The following RNF10 variants were observed in gnomAD, a reference collection of about 807,000 sequenced individuals.
The protein encoded by RNF10 is ring finger protein 10, also known as E3 ubiquitin-protein ligase RNF10.
Under a neutral mutation model 91.4 loss-of-function variants are expected in RNF10, and 38 were observed. The observed-to-expected ratio is 0.42, with a 90% confidence interval of 0.32 to 0.54. The LOEUF (loss-of-function observed/expected upper bound fraction) is 0.54, where lower values mean the gene tolerates loss of function less well. Ranked by LOEUF, RNF10 falls within the 20% of genes least tolerant of loss-of-function variation. The pLI, the probability that RNF10 is intolerant of heterozygous loss-of-function variation, is 0.16. For synonymous variants in RNF10, 364 were observed against 366.3 expected, an observed-to-expected ratio of 0.99 and a Z score of 0.07; for missense variants, 945 against 1,012.0, an observed-to-expected ratio of 0.93 and a Z score of 0.90.
At chr12:120,562,267 CTTTCTT>C (rs1260479134) in intron 7 of RNF10, among the ~76,000 whole-genome samples, 12 of 102,220 alleles carry the variant, frequency 1.2e-4, no homozygotes, top group Middle Eastern at 0.013. Context: ...CTTTTTCTTT[CTTTCTT>C]TTTTTTTTTT....
intron 3 of RNF10, 45 bp from the exon 4 acceptor site, chr12:120,554,673 G>A (rs1873687166): frequency 2.1e-6 from 3 of 1,428,136 alleles, no homozygotes; most frequent in Non-Finnish European, 3.0e-6. Context: ...GGGTTTATTG[G>A]TAGATCCTGA....
intron 1 of RNF10, among the ~76,000 whole-genome samples, chr12:120,540,294 C>T (rs549699571): frequency 5.3e-5 from 8 of 152,018 alleles, no homozygotes; most frequent in African/African-American, 1.2e-4. Flanking sequence ...AGATTGAACC[C>T]GTGGGTCCTG....
chr12:120,553,126 C>T (rs1426523023), intron 3 of RNF10, among the ~76,000 whole-genome samples: 1 of 125,428 alleles, frequency 8.0e-6, no homozygotes, highest in Non-Finnish European at 1.6e-5. Context: ...CTCTGCCACC[C>T]AGGCTAGAGT....
chr12:120,550,324 G>A (rs1225685607), intron 2 of RNF10, among the ~76,000 whole-genome samples: 1 of 152,016 alleles, frequency 6.6e-6, no homozygotes, highest in African/African-American at 2.4e-5. Context: ...AGGGTATTGC[G>A]AGGATAATCA....
intron 1 of RNF10, among the ~76,000 whole-genome samples, chr12:120,537,015 T>C (rs1202778224): frequency 6.6e-6 from 1 of 152,224 alleles, no homozygotes; most frequent in Non-Finnish European, 1.5e-5. Context: ...CAGAATTCTA[T>C]AGTAGTTTGA....
chr12:120,540,331 C>T (rs531978901), intron 1 of RNF10, among the ~76,000 whole-genome samples: 5 of 152,206 alleles, frequency 3.3e-5, no homozygotes, highest in African/African-American at 9.6e-5. Context: ...AAAGTCTGTG[C>T]AAGTGATTCT....
chr12:120,577,463 G>C lies in RNF10; in HGVS notation c.*797G>C. 1 of 259,122 alleles carries C rather than the reference G, an allele frequency of 3.9e-6. No homozygotes were observed. The highest frequency in any genetic ancestry group is 7.7e-6 in the Non-Finnish European group (1 of 130,460). 16.1% of individuals were successfully genotyped at this position (259,122 alleles called of 1,614,324 possible). A position where few individuals can be genotyped will look rare whatever the true frequency, so the allele number is the denominator to read the frequency against. On this transcript the variant is annotated 3_prime_UTR_variant, in exon 17 of 17. Coordinates refer to ENST00000325954, the MANE Select transcript of RNF10 (RefSeq NM_014868.5). ...ATTGCCACCATCTCCCTCTCATCTA[G>C]AGCAGTTTTCTTATGCCTTGGTTTG...
intron 4 of RNF10, among the ~76,000 whole-genome samples, chr12:120,556,927 C>T (rs755367036): frequency 2.1e-4 from 32 of 151,722 alleles, no homozygotes; most frequent in African/African-American, 6.3e-4. Context: ...CCGAGGCGGG[C>T]GGATCACAAG....
At chr12:120,557,820 GT>G in intron 6 of RNF10, 138 bp downstream of exon 6, 1 of 918,960 alleles carries the variant, frequency 1.1e-6, no homozygotes, top group Non-Finnish European at 1.7e-6. Context: ...ATTCCAGTAG[GT>G]TAGGGTGGGG....
At position 120,565,443 on chromosome 12, in the gene RNF10, G is replaced by A; in HGVS notation, c.1799G>A (p.Arg600Lys). Residue 600 changes from arginine to lysine, a missense_variant, in exon 12 of 17, where the codon AGG becomes AAG. By Grantham distance (26) the Arg-to-Lys change is conservative. Coordinates refer to ENST00000325954, the MANE Select transcript of RNF10 (RefSeq NM_014868.5). ...LEMFSDDIEK[R>K]KRQRQKKARE... ...CAATCTGCAGATGACATTGAGAAGA[G>A]GAAACGTCAGCGCCAAAAGAAGGCT... The A allele has an allele frequency of 6.2e-7, 1 of 1,614,100 alleles. No individual in the cohort carries two copies. The highest frequency in any genetic ancestry group is 8.5e-7 in the Non-Finnish European group (1 of 1,180,002).
intron 4 of RNF10, among the ~76,000 whole-genome samples, 164 bp downstream of exon 4, chr12:120,554,972 A>C (rs1296027964): frequency 1.3e-5 from 2 of 152,156 alleles, no homozygotes; most frequent in Non-Finnish European, 2.9e-5. Context: ...CCTGGAGTCC[A>C]TTTTGTGACT....
At chr12:120,568,641 A>G (rs1044524451) in intron 13 of RNF10, among the ~76,000 whole-genome samples, 2 of 151,720 alleles carry the variant, frequency 1.3e-5, no homozygotes, top group East Asian at 3.9e-4. Flanking sequence ...ATGCCTGGCT[A>G]ATTTTTGTAT....
At position 120,577,314 on chromosome 12, in the gene RNF10, G is replaced by A; in HGVS notation, c.*648G>A. The A allele has an allele frequency of 7.7e-6, 3 of 388,498 alleles. No individual in the cohort carries two copies. Among genetic ancestry groups the A allele is most frequent in the South Asian group, 5.7e-5 (3 of 52,972 alleles). The allele number at this position is 388,498 out of a possible 1,614,324, so 24.1% of individuals were successfully genotyped here. On this transcript the variant is annotated 3_prime_UTR_variant, in exon 17 of 17. Coordinates refer to ENST00000325954, the MANE Select transcript of RNF10 (RefSeq NM_014868.5). The stretch of plus-strand genomic sequence containing the variant: ...ATGGCTTGAGTTGGTAAGGAAAGCT[G>A]TAACTCACGAAGCCCTGAGACCTGC...
At chr12:120,537,770 C>T (rs902444593) in intron 1 of RNF10, among the ~76,000 whole-genome samples, 3 of 151,944 alleles carry the variant, frequency 2.0e-5, no homozygotes, top group Non-Finnish European at 4.4e-5. Flanking sequence ...TGTGCGTGTT[C>T]GTTTAGCAAG....
At chr12:120,562,560 C>T (rs937205567) in intron 7 of RNF10, among the ~76,000 whole-genome samples, 10 of 152,048 alleles carry the variant, frequency 6.6e-5, no homozygotes, top group Non-Finnish European at 1.2e-4. Context: ...AGGCATGAGC[C>T]ACCACACCTG....
rs567229750 is a variant in RNF10 at position 120,566,435 on chromosome 12, G to T, written c.1886-390G>T. On this transcript the variant is annotated intron_variant, in intron 12 of 16. Coordinates refer to ENST00000325954, the MANE Select transcript of RNF10 (RefSeq NM_014868.5). Reference sequence around the variant, plus strand: ...GCATCCTCTAGACCTTTGGGGGTACGCATGTGTGATGTCCTCAACTGTTGG... The same window carrying T: ...GCATCCTCTAGACCTTTGGGGGTACTCATGTGTGATGTCCTCAACTGTTGG... Among the ~76,000 whole-genome samples, 290 of 152,224 alleles carry T rather than the reference G, an allele frequency of 1.9e-3. 1 individual carries two copies. The highest frequency in any genetic ancestry group is 6.8e-3 in the African/African-American group (283 of 41,536).
intron 1 of RNF10, 21 bp from the exon 2 acceptor site, chr12:120,546,383 CT>C (rs1565948236): frequency 6.3e-7 from 1 of 1,598,594 alleles, no homozygotes; most frequent in South Asian, 1.1e-5. Flanking sequence ...TTAAGACGTT[CT>C]TTTGTGTTTC....
At position 120,576,974 on chromosome 12, in the gene RNF10, T is replaced by A; in HGVS notation, c.*308T>A. ...TAATTTTTCTCAACCCAAAGTAAGA[T>A]TGAGTCCCCTTTGAGATGCATTAGA... On this transcript the variant is annotated 3_prime_UTR_variant, in exon 17 of 17. Transcript: ENST00000325954. 2 of 364,746 alleles carry A rather than the reference T, an allele frequency of 5.5e-6. No individual in the cohort carries two copies. The highest frequency in any genetic ancestry group is 1.5e-4 in the East Asian group (2 of 13,512). The allele number at this position is 364,746 out of a possible 1,614,324, so 22.6% of individuals were successfully genotyped here. A position where few individuals can be genotyped will look rare whatever the true frequency, so the allele number is the denominator to read the frequency against.
intron 11 of RNF10, 28 bp downstream of exon 11, chr12:120,565,217 TTATAGTAGGGTTCAGG>T (rs1233583743): frequency 6.8e-7 from 1 of 1,464,360 alleles, no homozygotes; most frequent in Admixed American, 1.7e-5. Flanking sequence ...CTGCTTCTCT[TTATAGTAGGGTTCAGG>T]GATTCTTGTG....
Sources: gnomAD v4.1 joint callset for allele counts (sites outside exome capture counted in the v4.1 genomes callset) on GRCh38, gnomAD v4.1.1 for gene constraint, MANE v1.5 for transcripts, NCBI Gene and HGNC (gene_info 2026-07-23, HGNC 2026-07-21) for gene names.